The following ZC3H12B variants were observed in gnomAD, a reference collection of about 807,000 sequenced individuals.
ZC3H12B encodes probable ribonuclease ZC3H12B.
In ZC3H12B, 7 loss-of-function variants were observed where a neutral mutation model predicts 43.9. The ratio of observed to expected loss-of-function variants is 0.16; its 90% confidence interval spans 0.09 to 0.30. The LOEUF is 0.30. Ranked by LOEUF, ZC3H12B falls within the 10% of genes least tolerant of loss-of-function variation. The probability of loss-of-function intolerance (pLI) is 1.00; values close to 1 mark genes in which losing one functional copy is unlikely to be tolerated. For missense variants in ZC3H12B, 475 were observed against 670.2 expected, an observed-to-expected ratio of 0.71 and a Z score of 3.22; for synonymous variants, 222 against 241.7, an observed-to-expected ratio of 0.92 and a Z score of 0.76.
At chrX:65,198,419 A>C in the ZC3H12B span, among the ~76,000 whole-genome samples, 5 of 112,037 alleles carry the variant, frequency 4.5e-5, no homozygotes, top group African/African-American at 1.6e-4. Flanking sequence ...TTCTTGTAGG[A>C]TAGGTCCAGT....
chrX:65,186,242 A>G, the ZC3H12B span: 1 of 111,141 alleles, frequency 9.0e-6, no homozygotes, highest in Non-Finnish European at 1.9e-5. Context: ...CCTGTAATCC[A>G]GCACTTTGGG....
At chrX:65,314,391 T>A in the ZC3H12B span, among the ~76,000 whole-genome samples, 1 of 111,355 alleles carries the variant, frequency 9.0e-6, no homozygotes, top group Admixed American at 9.5e-5. Flanking sequence ...AAATGAAACA[T>A]GTTGAAGGCA....
chrX:65,485,164 T>A (rs2068108983), upstream of ZC3H12B, among the ~76,000 whole-genome samples: 2 of 112,524 alleles, frequency 1.8e-5, no homozygotes, highest in African/African-American at 6.5e-5. Flanking sequence ...GTTCTATAAT[T>A]TCATCTGACT....
the ZC3H12B span, among the ~76,000 whole-genome samples, chrX:65,132,510 CA>C: frequency 1.8e-5 from 2 of 109,386 alleles, no homozygotes; most frequent in Middle Eastern, 4.7e-3. Flanking sequence ...TGGGGAGATA[CA>C]AGGGGAGGAT....
At chrX:65,156,671 G>A in the ZC3H12B span, among the ~76,000 whole-genome samples, 27 of 110,446 alleles carry the variant, frequency 2.4e-4, no homozygotes, top group African/African-American at 3.3e-4. Context: ...ATGAGCCACC[G>A]CACAAGGCCA....
chrX:65,256,906 C>A, the ZC3H12B span, among the ~76,000 whole-genome samples: 11 of 111,972 alleles, frequency 9.8e-5, no homozygotes, highest in Non-Finnish European at 5.6e-5. Context: ...CAATGAGATA[C>A]CATCTCACAC....
the ZC3H12B span, among the ~76,000 whole-genome samples, chrX:65,114,838 G>C: frequency 9.6e-6 from 1 of 103,681 alleles, no homozygotes; most frequent in African/African-American, 3.6e-5. Context: ...TTATGAACTT[G>C]AGACTTTTAT....
chrX:65,113,060 T>C, the ZC3H12B span, among the ~76,000 whole-genome samples: 1 of 111,503 alleles, frequency 9.0e-6, no homozygotes, highest in Non-Finnish European at 1.9e-5. Flanking sequence ...ATTTGGAATA[T>C]GTTGATTCCA....
the ZC3H12B span, among the ~76,000 whole-genome samples, chrX:65,097,726 T>C: frequency 2.7e-5 from 3 of 112,309 alleles, no homozygotes; most frequent in Non-Finnish European, 3.8e-5. Context: ...TGAATAGTCC[T>C]GCTTTTTCAT....
At chrX:65,457,669 G>T (rs2067650001) in intron 3 of ZC3H12B, among the ~76,000 whole-genome samples, 1 of 72,468 alleles carries the variant, frequency 1.4e-5, no homozygotes, top group African/African-American at 1.6e-4. Context: ...TGGTTGCCGG[G>T]TCTGTGTGGA....
the ZC3H12B span, among the ~76,000 whole-genome samples, chrX:65,318,823 C>A: frequency 2.7e-5 from 3 of 110,899 alleles, no homozygotes; most frequent in Admixed American, 2.9e-4. Flanking sequence ...TCTTGAGTGA[C>A]TTCTGGGTGG....
the ZC3H12B span, among the ~76,000 whole-genome samples, chrX:65,170,143 A>G: frequency 2.7e-5 from 3 of 111,720 alleles, no homozygotes; most frequent in Non-Finnish European, 5.6e-5. Context: ...GATCTTTACA[A>G]TTTGGCATGT....
At chrX:65,297,961 T>G in the ZC3H12B span, among the ~76,000 whole-genome samples, 1 of 111,987 alleles carries the variant, frequency 8.9e-6, no homozygotes, top group South Asian at 3.7e-4. Context: ...AGAATGAAAC[T>G]GGATCATCAT....
At chrX:65,234,547 T>A in the ZC3H12B span, among the ~76,000 whole-genome samples, 1 of 112,160 alleles carries the variant, frequency 8.9e-6, no homozygotes, top group African/African-American at 3.2e-5. Flanking sequence ...AGGTATTTAA[T>A]TTGGAAAGCA....
chrX:65,311,047 A>G, the ZC3H12B span, among the ~76,000 whole-genome samples: 1 of 112,367 alleles, frequency 8.9e-6, no homozygotes, highest in Non-Finnish European at 1.9e-5. Context: ...AAAACTCTAG[A>G]AGAAAATCTA....
At chrX:65,181,172 A>G in the ZC3H12B span, among the ~76,000 whole-genome samples, 1 of 111,999 alleles carries the variant, frequency 8.9e-6, no homozygotes, top group East Asian at 2.8e-4. Flanking sequence ...CTATTTAATT[A>G]ATGGTGCTGG....
At chrX:65,380,133 G>A (rs2066415196) in intron 2 of ZC3H12B, among the ~76,000 whole-genome samples, 1 of 111,505 alleles carries the variant, frequency 9.0e-6, no homozygotes, top group African/African-American at 3.3e-5. Context: ...CTTGAGAAGA[G>A]CAACACCAAC....
the ZC3H12B span, among the ~76,000 whole-genome samples, chrX:65,191,446 G>C: frequency 3.0e-5 from 3 of 100,485 alleles, no homozygotes; most frequent in Non-Finnish European, 5.9e-5. Context: ...TTTTTGGTTG[G>C]TAAACTATTG....
chrX:65,163,476 A>G, the ZC3H12B span, among the ~76,000 whole-genome samples: 3 of 111,041 alleles, frequency 2.7e-5, no homozygotes, highest in African/African-American at 9.8e-5. Flanking sequence ...GAGCAATGAC[A>G]TGCACCCCTC....
Sources: gnomAD v4.1 joint callset for allele counts (sites outside exome capture counted in the v4.1 genomes callset) on GRCh38, gnomAD v4.1.1 for gene constraint, MANE v1.5 for transcripts, NCBI Gene and HGNC (gene_info 2026-07-23, HGNC 2026-07-21) for gene names.